Variants in CEP43 observed in about 807,000 individuals in gnomAD.
CEP43 encodes the protein FGFR1 oncogene partner.
CEP43 carries 36 observed loss-of-function variants against 52.6 expected under a neutral mutation model. The observed-to-expected ratio is 0.68, with a 90% CI of 0.52 to 0.90. The LOEUF is 0.90. CEP43 is among the 40% of genes least tolerant of loss of function. CEP43 has a pLI of 0.00. For synonymous variants in CEP43, 192 were observed against 172.4 expected, an observed-to-expected ratio of 1.11 and a Z score of -0.89; for missense variants, 506 against 472.8, an observed-to-expected ratio of 1.07 and a Z score of -0.65.
intron 7 of CEP43, among the ~76,000 whole-genome samples, chr6:167,016,744 T>TC (rs1309445663): frequency 1.3e-5 from 2 of 152,198 alleles, no homozygotes. Context: ...GCATGAATGT[T>TC]CCCACACTTA....
At chr6:167,005,708 A>T (rs1322919749) in intron 5 of CEP43, among the ~76,000 whole-genome samples, 4 of 152,158 alleles carry the variant, frequency 2.6e-5, no homozygotes, top group Non-Finnish European at 5.9e-5. Context: ...TTTGATAGAT[A>T]CTGTGCTGGG....
chr6:167,010,572 A>C (rs985724136), intron 5 of CEP43, among the ~76,000 whole-genome samples: 4 of 152,208 alleles, frequency 2.6e-5, no homozygotes, highest in African/African-American at 9.7e-5. Context: ...GTGGAGAAAG[A>C]CAGTATCCTG....
At chr6:167,032,841 G>A (rs766707758) in intron 11 of CEP43, among the ~76,000 whole-genome samples, 199 bp downstream of exon 11, 22 of 152,102 alleles carry the variant, frequency 1.4e-4, no homozygotes, top group Non-Finnish European at 2.9e-4. Flanking sequence ...TTTTACATTA[G>A]AATATAGACA....
In CEP43 at chr6:167,042,906, C is replaced by T. The variant is rs905652007; in HGVS notation, c.*2928C>T. 2 of 150,938 alleles carry T rather than the reference C, an allele frequency of 1.3e-5. No homozygotes were observed. The highest frequency in any genetic ancestry group is 4.9e-5 in the African/African-American group (2 of 40,922). 9.3% of individuals were successfully genotyped at this position (150,938 alleles called of 1,614,324 possible). On this transcript the variant is annotated 3_prime_UTR_variant, in exon 13 of 13. Transcript: ENST00000366847. ...GCTGTGTACCTGGCACAACATTTGT[C>T]CCCTAGTATGAGCTTGGCATCTTTG... is the stretch of plus-strand genomic sequence containing the variant.
chr6:167,001,736 T>C (rs73024302), intron 2 of CEP43, among the ~76,000 whole-genome samples: 2,797 of 152,274 alleles, frequency 0.018, 46 homozygotes, highest in East Asian at 0.09. Flanking sequence ...GTCAGGTGTG[T>C]ATCTGAAGTG....
intron 12 of CEP43, 58 bp from the exon 13 acceptor site, chr6:167,039,846 A>G (rs750430075): frequency 1.9e-6 from 3 of 1,580,846 alleles, no homozygotes; most frequent in South Asian, 1.1e-5. Flanking sequence ...TTTTTAAAAT[A>G]ACTTAAGACT....
chr6:167,002,832 TAGTA>T (rs1282947405), intron 2 of CEP43, among the ~76,000 whole-genome samples: 1 of 152,266 alleles, frequency 6.6e-6, no homozygotes, highest in African/African-American at 2.4e-5. Context: ...TTCCTGTTCA[TAGTA>T]AGTATGCTAT....
intron 5 of CEP43, among the ~76,000 whole-genome samples, chr6:167,007,824 G>C (rs747379864): frequency 1.3e-5 from 2 of 152,166 alleles, no homozygotes; most frequent in African/African-American, 2.4e-5. Context: ...CTCCCAAGCC[G>C]TAGATAATTA....
In CEP43 at chr6:167,051,710, T is replaced by C. The variant is rs1780872637; in HGVS notation, c.*11732T>C. The C allele has an allele frequency of 6.6e-6, 1 of 152,260 alleles. No individual in the cohort carries two copies. Among genetic ancestry groups the C allele is most frequent in the Non-Finnish European group, 1.5e-5 (1 of 68,038 alleles). 9.4% of individuals were successfully genotyped at this position (152,260 alleles called of 1,614,324 possible). On this transcript the variant is annotated 3_prime_UTR_variant, in exon 13 of 13. Transcript: ENST00000366847. ...CACTATTATCATTGTAAAATATTCCTTTTTATCTCTAGTATTTTTTGTCTG... is the reference window on the plus strand; with the variant it reads ...CACTATTATCATTGTAAAATATTCCCTTTTATCTCTAGTATTTTTTGTCTG...
intron 5 of CEP43, among the ~76,000 whole-genome samples, chr6:167,009,203 C>CCAACATGGT (rs1779923032): frequency 6.6e-6 from 1 of 151,814 alleles, no homozygotes; most frequent in Non-Finnish European, 1.5e-5. Flanking sequence ...ACCAGCCTGG[C>CCAACATGGT]CAACATGGTG....
intron 12 of CEP43, among the ~76,000 whole-genome samples, chr6:167,037,094 C>T (rs1780599693): frequency 6.6e-6 from 1 of 152,248 alleles, no homozygotes; most frequent in African/African-American, 2.4e-5. Flanking sequence ...GCGTGAGTCA[C>T]TGTACCCGGC....
rs1300728946 is a variant in CEP43 at position 167,000,047 on chromosome 6, A to T, written c.103-13A>T. The T allele has an allele frequency of 6.2e-7, 1 of 1,603,904 alleles. No individual in the cohort carries two copies. The highest frequency in any genetic ancestry group is 1.1e-5 in the South Asian group (1 of 90,388). ...TGAAATTATAATTTCCTGTTTCTTA[A>T]CTTTTTTTTAAGGCTGAACTCCGAG... On this transcript the variant is annotated splice_polypyrimidine_tract_variant and intron_variant, in intron 1 of 12. Transcript: ENST00000366847.
In CEP43 at chr6:167,032,619, T is replaced by C; in HGVS notation, c.1005T>C (p.Asp335=). The C allele has an allele frequency of 1.9e-6, 3 of 1,581,578 alleles. No homozygotes were observed. In the South Asian group the frequency reaches 3.5e-5, roughly 18 times the overall value. ...GSLGLGTGED[D]DYVDDFNSTS... Reference sequence around the variant, plus strand: ...ACTTATCAGGAACTGGAGAAGATGATGACTATGTTGATGATTTTAATAGGT... The same window carrying C: ...ACTTATCAGGAACTGGAGAAGATGACGACTATGTTGATGATTTTAATAGGT... The change falls in exon 11 of 13, where the codon GAT becomes GAC. Residue 335 remains aspartate, a synonymous_variant. Coordinates refer to ENST00000366847, the MANE Select transcript of CEP43 (RefSeq NM_007045.4).
chr6:167,024,954 A>T (rs9366080), intron 9 of CEP43, 60 bp downstream of exon 9: 98 of 911,172 alleles, frequency 1.1e-4, no homozygotes, highest in South Asian at 2.8e-4. Flanking sequence ...ATTAAATACT[A>T]TGTGATTATT....
At chr6:167,036,900 T>C in intron 12 of CEP43, 1 of 314,362 alleles carries the variant, frequency 3.2e-6, no homozygotes, top group Non-Finnish European at 4.6e-6. Context: ...CTCTGCCTCC[T>C]GGGATCAAGC....
At chr6:167,015,627 C>T (rs77233130) in intron 7 of CEP43, among the ~76,000 whole-genome samples, 2,344 of 152,230 alleles carry the variant, frequency 0.015, 50 homozygotes, top group African/African-American at 0.053. Context: ...CCGCTGCTCC[C>T]GGAGCTCTGG....
rs1019800717 is a variant in CEP43, at chr6:167,048,929, T to C, written c.*8951T>C. On this transcript the variant is annotated 3_prime_UTR_variant, in exon 13 of 13. Transcript: ENST00000366847. ...GACAATTCTAGTACTTTCATGACAT[T>C]TTAAAAAAGGGATTGTAAAGACTGA... The C allele has an allele frequency of 6.6e-6, 1 of 152,214 alleles. No individual in the cohort carries two copies. The highest frequency in any genetic ancestry group is 1.5e-5 in the Non-Finnish European group (1 of 68,036). The allele number at this position is 152,214 out of a possible 1,614,324, so 9.4% of individuals were successfully genotyped here.
intron 5 of CEP43, 95 bp from the exon 6 acceptor site, chr6:167,010,718 T>C (rs937224054): frequency 1.6e-5 from 9 of 549,242 alleles, no homozygotes; most frequent in Middle Eastern, 5.0e-4. Context: ...CAACATTGTA[T>C]AGTGTTTTTA....
Position 167,022,624 on chromosome 6 carries a change from A to T in CEP43, c.795A>T (p.Lys265Asn). The change falls in exon 8 of 13, where the codon AAA becomes AAT. Residue 265 changes from lysine to asparagine, a missense_variant. Physicochemically the swap from Lys to Asn is moderately conservative, Grantham distance 94. Coordinates refer to ENST00000366847, the MANE Select transcript of CEP43 (RefSeq NM_007045.4). ...FFDDPIPKPEKTYGLRKEPRK... is the reference protein window; with the variant it reads ...FFDDPIPKPENTYGLRKEPRK... Reference sequence around the variant, plus strand: ...ATGATCCCATTCCTAAGCCAGAGAAAACTTACGGTTTGTGAGTAAATGGTT... The same window carrying T: ...ATGATCCCATTCCTAAGCCAGAGAATACTTACGGTTTGTGAGTAAATGGTT... The T allele has an allele frequency of 6.2e-7, 1 of 1,612,424 alleles. No homozygotes were observed. Among genetic ancestry groups the T allele is most frequent in the African/African-American group, 1.3e-5 (1 of 74,976 alleles).
Sources: gnomAD v4.1 joint callset for allele counts (sites outside exome capture counted in the v4.1 genomes callset) on GRCh38, gnomAD v4.1.1 for gene constraint, MANE v1.5 for transcripts, NCBI Gene and HGNC (gene_info 2026-07-23, HGNC 2026-07-21) for gene names.